Variants in SLITRK5 observed in about 807,000 individuals in gnomAD.
The protein encoded by SLITRK5 is SLIT and NTRK-like protein 5.
SLITRK5 carries 23 observed loss-of-function variants against 56.2 expected under a neutral mutation model. That is an observed-to-expected ratio of 0.41 (90% CI 0.29 to 0.58). SLITRK5 has a LOEUF of 0.58. Among genes scored for constraint, SLITRK5 ranks in the 20% least tolerant of loss-of-function variants. The pLI, the probability that SLITRK5 is intolerant of heterozygous loss-of-function variation, is 0.30. For missense variants in SLITRK5, 1,289 were observed against 1,226.6 expected (o/e 1.05, Z -0.76); for synonymous variants, 637 against 531.8 (o/e 1.20, Z -2.72).
In SLITRK5 at chr13:87,678,006, G is replaced by A. The variant is rs1441156044; in HGVS notation, c.2618G>A (p.Ser873Asn). Residue 873 changes from serine (S) to asparagine (N), a missense_variant, in exon 2 of 2, where the codon AGC becomes AAC. Physicochemically the swap from Ser to Asn is conservative, Grantham distance 46. Transcript: ENST00000683689. The stretch of plus-strand genomic sequence containing the variant: ...TGCTCCACCACCCCCGCCGGCAATA[G>A]CCTCCCGGAATATCCCAAATTCCCG... ...KHCSTTPAGN[S>N]LPEYPKFPCS... 3 of 1,614,138 alleles carry A rather than the reference G, an allele frequency of 1.9e-6. No homozygotes were observed. Among genetic ancestry groups the A allele is most frequent in the South Asian group, 2.2e-5 (2 of 91,088 alleles).
intron 1 of SLITRK5, among the ~76,000 whole-genome samples, chr13:87,674,662 A>G (rs1877193497): frequency 6.6e-6 from 1 of 152,130 alleles, no homozygotes; most frequent in Non-Finnish European, 1.5e-5. Flanking sequence ...TGCAATTAGG[A>G]CGCTGATGTG....
rs988507297 is a variant in SLITRK5 at position 87,676,689 on chromosome 13, G to A, written c.1301G>A (p.Gly434Glu). ...VRRTDFLEAT[G>E]LDLLHLGNNR... ...AGGACAGACTTCCTGGAGGCCACGG[G>A]GCTGGACCTCCTGCACCTGGGGAAT... The change falls in exon 2 of 2, where the codon GGG becomes GAG. Residue 434 changes from glycine (G) to glutamate (E), a missense_variant. By Grantham distance (98) the Gly-to-Glu change is moderately conservative (BLOSUM62 -2). Around this residue, in one of 3 missense-constraint regions of SLITRK5, gnomAD observed 985 missense variants for 906.0 expected, o/e 1.09. Transcript: ENST00000683689. 6.2e-7 allele frequency: 1 copy of A among 1,614,006 alleles called. No homozygotes were observed. Among genetic ancestry groups the A allele is most frequent in the Non-Finnish European group, 8.5e-7 (1 of 1,180,024 alleles).
At position 87,678,140 on chromosome 13, in the gene SLITRK5, A is replaced by G; in HGVS notation, c.2752A>G (p.Ser918Gly). The change falls in exon 2 of 2, where the codon AGC (serine) becomes GGC (glycine). Residue 918 changes from serine (S) to glycine (G), a missense_variant. Ser to Gly is a moderately conservative substitution (Grantham distance 56, BLOSUM62 0). This residue lies in a region of SLITRK5 where 985 missense variants were observed against 906.0 expected (regional missense o/e 1.09). Coordinates refer to ENST00000683689, the MANE Select transcript of SLITRK5 (RefSeq NM_001384609.1). ...CAGGCTACGGGAACCGGTGCTCTAC[A>G]GCCCCCCGAGTGCTGTCTTTGTAGA... is the stretch of plus-strand genomic sequence containing the variant. Reference protein sequence around the residue: ...DSRLREPVLYSPPSAVFVEPN... With the variant: ...DSRLREPVLYGPPSAVFVEPN... 1 of 1,614,232 alleles carries G rather than the reference A, an allele frequency of 6.2e-7. No individual in the cohort carries two copies. Among genetic ancestry groups the G allele is most frequent in the East Asian group, 2.2e-5 (1 of 44,866 alleles).
At position 87,677,907 on chromosome 13, in the gene SLITRK5, C is replaced by A; in HGVS notation, c.2519C>A (p.Pro840His). 1.2e-6 allele frequency: 2 copies of A among 1,613,598 alleles called. No homozygotes were observed. Among genetic ancestry groups the A allele is most frequent in the Non-Finnish European group, 8.5e-7 (1 of 1,179,790 alleles). Reference protein sequence around the residue: ...SPAYSVSTIEPREDLLSPVQD... With the variant: ...SPAYSVSTIEHREDLLSPVQD... Reference sequence around the variant, plus strand: ...GCCTACAGCGTCAGCACCATCGAGCCCCGGGAGGACCTGCTGTCGCCGGTG... The same window carrying A: ...GCCTACAGCGTCAGCACCATCGAGCACCGGGAGGACCTGCTGTCGCCGGTG... Residue 840 changes from proline to histidine, a missense_variant, in exon 2 of 2, where the codon CCC (proline) becomes CAC (histidine). Physicochemically the swap from Pro to His is moderately conservative, Grantham distance 77 (BLOSUM62 -2). Coordinates refer to ENST00000683689, the MANE Select transcript of SLITRK5 (RefSeq NM_001384609.1). This position sits in a 1 kb window ranked among gnomAD's most constrained non-coding sequence, Gnocchi z 4.7.
chr13:87,677,789 C>A lies in SLITRK5; in HGVS notation c.2401C>A (p.Pro801Thr). 2 of 1,609,726 alleles carry A rather than the reference C, an allele frequency of 1.2e-6. No homozygotes were observed. Among genetic ancestry groups the A allele is most frequent in the Non-Finnish European group, 1.7e-6 (2 of 1,178,394 alleles). The change falls in exon 2 of 2, where the codon CCA becomes ACA. Residue 801 changes from proline to threonine, a missense_variant. This residue lies in a region of SLITRK5 where 985 missense variants were observed against 906.0 expected (regional missense o/e 1.09). Transcript: ENST00000683689. This position sits in a 1 kb window ranked among gnomAD's most constrained non-coding sequence, Gnocchi z 4.7. ...HLQQQQQPPP[P>T]PQQPQQQPPP... ...GCAGCAGCAGCAGCAGCCGCCGCCG[C>A]CACCGCAGCAGCCACAGCAGCAGCC...
rs1020051944 is a variant in SLITRK5, at chr13:87,678,007, C to T, written c.2619C>T (p.Ser873=). The change falls in exon 2 of 2, where the codon AGC becomes AGT. Residue 873 remains serine, a synonymous_variant. Coordinates refer to ENST00000683689, the MANE Select transcript of SLITRK5 (RefSeq NM_001384609.1). Reference sequence around the variant, plus strand: ...GCTCCACCACCCCCGCCGGCAATAGCCTCCCGGAATATCCCAAATTCCCGT... The same window carrying T: ...GCTCCACCACCCCCGCCGGCAATAGTCTCCCGGAATATCCCAAATTCCCGT... ...KHCSTTPAGN[S]LPEYPKFPCS... is the part of the protein sequence containing the mutation. 1.2e-6 allele frequency: 2 copies of T among 1,614,144 alleles called. No homozygotes were observed. Among genetic ancestry groups the T allele is most frequent in the East Asian group, 4.5e-5 (2 of 44,852 alleles).
chr13:87,678,079 C>A lies in SLITRK5; in HGVS notation c.2691C>A (p.Arg897=). ...YTFSPNYDLR[R]PHQYLHPGAG... The stretch of plus-strand genomic sequence containing the variant: ...TCTCCCCCAACTATGACCTGAGACG[C>A]CCCCATCAGTATTTGCACCCGGGGG... The change falls in exon 2 of 2, where the codon CGC becomes CGA. Residue 897 remains arginine, a synonymous_variant. Transcript: ENST00000683689. 6.2e-7 allele frequency: 1 copy of A among 1,614,180 alleles called. No individual in the cohort carries two copies. The highest frequency in any genetic ancestry group is 8.5e-7 in the Non-Finnish European group (1 of 1,179,994).
chr13:87,678,057 C>T lies in SLITRK5; in HGVS notation c.2669C>T (p.Ser890Phe), dbSNP rs1289459212. The change falls in exon 2 of 2, where the codon TCC (serine) becomes TTC (phenylalanine). Residue 890 changes from serine to phenylalanine, a missense_variant. By Grantham distance (155) the Ser-to-Phe change is radical. Transcript: ENST00000683689. ...TGCAGCCCCGCTGCTTACACTTTCT[C>T]CCCCAACTATGACCTGAGACGCCCC... Reference protein sequence around the residue: ...FPCSPAAYTFSPNYDLRRPHQ... With the variant: ...FPCSPAAYTFFPNYDLRRPHQ... 9.3e-6 allele frequency: 15 copies of T among 1,614,000 alleles called. No homozygotes were observed. The East Asian group carries it at 3.1e-4, about 34-fold the overall frequency.
At chr13:87,674,427 A>T (rs1424518420) in intron 1 of SLITRK5, 30 of 984,660 alleles carry the variant, frequency 3.0e-5, no homozygotes, top group Non-Finnish European at 3.6e-5. Context: ...TTTCGTGCTG[A>T]TCCTTGGTGT....
Position 87,676,020 on chromosome 13 carries a change from G to T in SLITRK5, c.632G>T (p.Arg211Leu). The T allele has an allele frequency of 6.2e-7, 1 of 1,614,062 alleles. No individual in the cohort carries two copies. The highest frequency in any genetic ancestry group is 8.5e-7 in the Non-Finnish European group (1 of 1,180,016). ...ACGCACTTGGACCTCCGGGGGAACC[G>T]GCTGAAACTTCTGCCCTACGTGGGG... ...PLTHLDLRGN[R>L]LKLLPYVGLL... The change falls in exon 2 of 2, where the codon CGG (arginine) becomes CTG (leucine). Residue 211 changes from arginine to leucine, a missense_variant. By Grantham distance (102) the Arg-to-Leu change is moderately radical (BLOSUM62 -2). Around this residue, in one of 3 missense-constraint regions of SLITRK5, gnomAD observed 291 missense variants for 286.7 expected, o/e 1.02. Transcript: ENST00000683689.
intron 1 of SLITRK5, among the ~76,000 whole-genome samples, 181 bp downstream of exon 1, chr13:87,672,390 C>G (rs1172195452): frequency 6.6e-6 from 1 of 151,926 alleles, no homozygotes; most frequent in East Asian, 2.0e-4. Flanking sequence ...TCCGCGTCCC[C>G]CTCCTCCCGC....
In SLITRK5 at chr13:87,676,416, G is replaced by T. The variant is rs760210615; in HGVS notation, c.1028G>T (p.Arg343Leu). ...GTRQPNKPRVRPTSRQPSKDL... is the reference protein window; with the variant it reads ...GTRQPNKPRVLPTSRQPSKDL... ...CGCCAACCCAACAAGCCCAGGGTGC[G>T]CCCCACCTCTCGGCAGCCCTCTAAG... The change falls in exon 2 of 2, where the codon CGC becomes CTC. Residue 343 changes from arginine to leucine, a missense_variant. Physicochemically the swap from Arg to Leu is moderately radical, Grantham distance 102 (BLOSUM62 -2). Transcript: ENST00000683689. 7 of 1,613,856 alleles carry T rather than the reference G, an allele frequency of 4.3e-6. No homozygotes were observed. The highest frequency in any genetic ancestry group is 5.1e-6 in the Non-Finnish European group (6 of 1,179,986).
rs1328699374 is a variant in SLITRK5, at chr13:87,676,318, G to A, written c.930G>A (p.Pro310=). The change falls in exon 2 of 2, where the codon CCG becomes CCA. Residue 310 remains proline (P), a synonymous_variant. Transcript: ENST00000683689. ...CCACGGGGTATTTACACACCACCCC[G>A]GCGTCAGTGAATTCTGTGGCCACTT... is the stretch of plus-strand genomic sequence containing the variant. ...LSTTGYLHTT[P]ASVNSVATSS... is the part of the protein sequence containing the mutation. The A allele has an allele frequency of 3.1e-6, 5 of 1,613,922 alleles. No homozygotes were observed. The highest frequency in any genetic ancestry group is 4.2e-6 in the Non-Finnish European group (5 of 1,180,000).
rs777542813 is a variant in SLITRK5, at chr13:87,677,453, A to T, written c.2065A>T (p.Met689Leu). ...GGCCGCCGGGCTCTTCGTGCTGGTC[A>T]TGAAGCGCAGGAAGAAGAACCAGAG... ...FVAAGLFVLV[M>L]KRRKKNQSDH... The change falls in exon 2 of 2, where the codon ATG becomes TTG. Residue 689 changes from methionine to leucine, a missense_variant. Met to Leu is a conservative substitution (Grantham distance 15, BLOSUM62 2). Coordinates refer to ENST00000683689, the MANE Select transcript of SLITRK5 (RefSeq NM_001384609.1). The surrounding 1 kb of genome is among the most constrained non-coding windows in gnomAD (Gnocchi z 4.7). The T allele has an allele frequency of 6.8e-6, 11 of 1,612,734 alleles. No homozygotes were observed. The highest frequency in any genetic ancestry group is 3.3e-5 in the South Asian group (3 of 91,076).
In SLITRK5 at chr13:87,677,155, G is replaced by A; in HGVS notation, c.1767G>A (p.Glu589=). The A allele has an allele frequency of 6.2e-7, 1 of 1,614,192 alleles. No homozygotes were observed. The highest frequency in any genetic ancestry group is 8.5e-7 in the Non-Finnish European group (1 of 1,180,028). ...EQLKVGVLVD[E]VICKAPKKFA... ...TCAAAGTGGGCGTCCTAGTGGACGA[G>A]GTGATCTGTAAGGCGCCCAAAAAAT... The change falls in exon 2 of 2, where the codon GAG becomes GAA. Residue 589 remains glutamate, a synonymous_variant. Coordinates refer to ENST00000683689, the MANE Select transcript of SLITRK5 (RefSeq NM_001384609.1). The surrounding 1 kb of genome is among the most constrained non-coding windows in gnomAD (Gnocchi z 4.7).
rs1472959017 is a variant in SLITRK5 at position 87,676,794 on chromosome 13, T to A, written c.1406T>A (p.Ile469Asn). 6.2e-7 allele frequency: 1 copy of A among 1,614,068 alleles called. No individual in the cohort carries two copies. The highest frequency in any genetic ancestry group is 8.5e-7 in the Non-Finnish European group (1 of 1,180,010). The change falls in exon 2 of 2, where the codon ATC (isoleucine) becomes AAC (asparagine). Residue 469 changes from isoleucine (I) to asparagine (N), a missense_variant. Physicochemically the swap from Ile to Asn is moderately radical, Grantham distance 149. Transcript: ENST00000683689. ...LRRLYLNGNRIERLSPELFYG... is the reference protein window; with the variant it reads ...LRRLYLNGNRNERLSPELFYG... ...CGCCTCTACCTGAATGGCAACAGGA[T>A]CGAGAGGCTGAGCCCGGAGTTATTC...
Position 87,677,531 on chromosome 13 carries a change from A to G in SLITRK5, c.2143A>G (p.Ser715Gly), listed in dbSNP as rs749724452. 3 of 1,609,608 alleles carry G rather than the reference A, an allele frequency of 1.9e-6. No homozygotes were observed. The Admixed American group carries it at 5.0e-5, about 27-fold the overall frequency. The change falls in exon 2 of 2, where the codon AGC (serine) becomes GGC (glycine). Residue 715 changes from serine to glycine, a missense_variant. Physicochemically the swap from Ser to Gly is moderately conservative, Grantham distance 56 (BLOSUM62 0). This residue lies in a region of SLITRK5 where 985 missense variants were observed against 906.0 expected (regional missense o/e 1.09). Coordinates refer to ENST00000683689, the MANE Select transcript of SLITRK5 (RefSeq NM_001384609.1). The surrounding 1 kb of genome is among the most constrained non-coding windows in gnomAD (Gnocchi z 4.7). ...CGTGAGCTCCTTTAACATGCAGTAC[A>G]GCGTGTACGGCGGCGGCGGCGGCAC... is the stretch of plus-strand genomic sequence containing the variant. ...SDVSSFNMQY[S>G]VYGGGGGTGG...
In SLITRK5 at chr13:87,676,063, T is replaced by A; in HGVS notation, c.675T>A (p.Asp225Glu). 6.2e-7 allele frequency: 1 copy of A among 1,614,054 alleles called. No individual in the cohort carries two copies. The highest frequency in any genetic ancestry group is 8.5e-7 in the Non-Finnish European group (1 of 1,180,028). ...LPYVGLLQHM[D>E]KVVELQLEEN... ...ACGTGGGGCTCTTGCAGCACATGGATAAAGTTGTGGAGCTACAGCTGGAGG... is the reference window on the plus strand; with the variant it reads ...ACGTGGGGCTCTTGCAGCACATGGAAAAAGTTGTGGAGCTACAGCTGGAGG... Residue 225 changes from aspartate to glutamate, a missense_variant, in exon 2 of 2, where the codon GAT becomes GAA. Asp to Glu is a conservative substitution (Grantham distance 45). Transcript: ENST00000683689.
At chr13:87,673,930 G>A (rs556346403) in intron 1 of SLITRK5, among the ~76,000 whole-genome samples, 2 of 152,010 alleles carry the variant, frequency 1.3e-5, no homozygotes, top group South Asian at 4.1e-4. Flanking sequence ...AAAGGCATAG[G>A]TTCCTAGAGT....
Sources: gnomAD v4.1 joint callset for allele counts (sites outside exome capture counted in the v4.1 genomes callset) on GRCh38, gnomAD v4.1.1 for gene constraint, gnomAD v4.1.1 regional missense constraint, Gnocchi (gnomAD v3.1) non-coding constraint, MANE v1.5 for transcripts, NCBI Gene and HGNC (gene_info 2026-07-23, HGNC 2026-07-21) for gene names.